Variants in ADGRB3 observed in about 807,000 individuals in gnomAD.
The protein encoded by ADGRB3 is adhesion G protein-coupled receptor B3.
ADGRB3 carries 37 observed loss-of-function variants against 193.4 expected under a neutral mutation model. The observed-to-expected ratio is 0.19, with a 90% CI of 0.15 to 0.25. The LOEUF (loss-of-function observed/expected upper bound fraction) is 0.25. Ranked by LOEUF, ADGRB3 falls within the 10% of genes least tolerant of loss-of-function variation. ADGRB3 has a pLI of 1.00. For missense variants in ADGRB3, 1,637 were observed against 1,852.9 expected (o/e 0.88, Z 2.14); for synonymous variants, 690 against 644.2 (o/e 1.07, Z -1.08).
chr6:69,362,959 T>C (rs1375350956), intron 29 of ADGRB3, among the ~76,000 whole-genome samples: 2 of 152,164 alleles, frequency 1.3e-5, no homozygotes, highest in African/African-American at 4.8e-5. Flanking sequence ...AATGACTATA[T>C]GGAAGTTTTC....
At chr6:68,788,049 T>G (rs55792962) in intron 3 of ADGRB3, among the ~76,000 whole-genome samples, 3,993 of 152,278 alleles carry the variant, frequency 0.026, 77 homozygotes, top group African/African-American at 0.051. Context: ...CTCTCTTTTC[T>G]TCTTTATTAG....
At chr6:68,833,125 G>A (rs1185566541) in intron 3 of ADGRB3, among the ~76,000 whole-genome samples, 2 of 151,960 alleles carry the variant, frequency 1.3e-5, no homozygotes, top group Non-Finnish European at 2.9e-5. Context: ...ATTCTTTATA[G>A]GAAAGATCAT....
At chr6:68,809,973 C>T (rs1419526175) in intron 3 of ADGRB3, among the ~76,000 whole-genome samples, 1 of 152,126 alleles carries the variant, frequency 6.6e-6, no homozygotes, top group Non-Finnish European at 1.5e-5. Context: ...GTGCTCTAAG[C>T]TTTGGAGTAA....
At chr6:68,679,758 A>G (rs1764845948) in intron 3 of ADGRB3, among the ~76,000 whole-genome samples, 1 of 152,156 alleles carries the variant, frequency 6.6e-6, no homozygotes, top group Non-Finnish European at 1.5e-5. Flanking sequence ...ACCAAAATAC[A>G]CTTTAGTGAT....
chr6:69,312,280 A>C (rs769721445), intron 20 of ADGRB3, among the ~76,000 whole-genome samples: 2 of 151,800 alleles, frequency 1.3e-5, no homozygotes, highest in Non-Finnish European at 2.9e-5. Context: ...ATGATGTCCA[A>C]GTTCCTGGTG....
At chr6:69,331,636 A>G in intron 23 of ADGRB3, 3 of 985,404 alleles carry the variant, frequency 3.0e-6, no homozygotes, top group Non-Finnish European at 3.6e-6. Flanking sequence ...AGGGAAATCA[A>G]AACTATTAGA....
intron 3 of ADGRB3, among the ~76,000 whole-genome samples, chr6:68,897,363 A>C (rs1287630053): frequency 2.0e-5 from 3 of 147,952 alleles, no homozygotes; most frequent in African/African-American, 7.4e-5. Context: ...TCGTCTTAAA[A>C]GAAAAAGAAG....
intron 3 of ADGRB3, among the ~76,000 whole-genome samples, chr6:68,808,609 C>T (rs1233974306): frequency 6.6e-6 from 1 of 152,030 alleles, no homozygotes; most frequent in Non-Finnish European, 1.5e-5. Flanking sequence ...AATCATTACA[C>T]ATTTCATACT....
chr6:68,879,805 T>C (rs1429216761), intron 3 of ADGRB3, among the ~76,000 whole-genome samples: 1 of 152,196 alleles, frequency 6.6e-6, no homozygotes, highest in East Asian at 1.9e-4. Flanking sequence ...GCAGAGTTAC[T>C]ATAAGCCTCA....
At chr6:69,351,220 G>C (rs191048982) in intron 26 of ADGRB3, among the ~76,000 whole-genome samples, 1 of 151,524 alleles carries the variant, frequency 6.6e-6, no homozygotes, top group Non-Finnish European at 1.5e-5. Flanking sequence ...CAGCCCCCAG[G>C]TAGCTGGGAT....
At chr6:69,112,183 G>A (rs925643824) in intron 17 of ADGRB3, among the ~76,000 whole-genome samples, 1 of 152,106 alleles carries the variant, frequency 6.6e-6, no homozygotes, top group Non-Finnish European at 1.5e-5. Flanking sequence ...ACGTGAGCAC[G>A]CCCCACCCAA....
intron 3 of ADGRB3, among the ~76,000 whole-genome samples, chr6:68,667,569 A>G (rs1056736639): frequency 2.6e-5 from 4 of 152,040 alleles, no homozygotes; most frequent in Admixed American, 6.6e-5. Context: ...AGTATAATAA[A>G]TAGTTCATTC....
intron 13 of ADGRB3, among the ~76,000 whole-genome samples, chr6:69,025,976 C>G (rs1025564325): frequency 2.6e-5 from 4 of 152,074 alleles, no homozygotes; most frequent in Non-Finnish European, 5.9e-5. Flanking sequence ...ACAACTGAAC[C>G]CCAGGTTGAG....
At chr6:68,773,868 G>A (rs1766686782) in intron 3 of ADGRB3, among the ~76,000 whole-genome samples, 2 of 152,080 alleles carry the variant, frequency 1.3e-5, no homozygotes, top group African/African-American at 4.8e-5. Context: ...TCCTTGAGAA[G>A]CTTAAGGAGA....
intron 17 of ADGRB3, among the ~76,000 whole-genome samples, chr6:69,190,505 T>TA (rs2053123809): frequency 1.3e-5 from 2 of 152,076 alleles, no homozygotes. Flanking sequence ...GTCAAAAAGT[T>TA]AAAAAATATT....
chr6:68,762,066 A>C (rs58108540), intron 3 of ADGRB3, among the ~76,000 whole-genome samples: 4,011 of 152,278 alleles, frequency 0.026, 81 homozygotes, highest in African/African-American at 0.051. Flanking sequence ...AGAGATTTAC[A>C]ATGTCCCTGA....
chr6:69,373,796 T>C (rs565456427), intron 30 of ADGRB3, among the ~76,000 whole-genome samples: 98 of 152,094 alleles, frequency 6.4e-4, no homozygotes, highest in African/African-American at 2.3e-3. Context: ...GAGGAAGGAA[T>C]TAACCCACTA....
At chr6:69,243,691 T>C (rs537062227) in intron 20 of ADGRB3, among the ~76,000 whole-genome samples, 12 of 152,160 alleles carry the variant, frequency 7.9e-5, no homozygotes, top group African/African-American at 2.6e-4. Flanking sequence ...TAATCTTTTA[T>C]ATTTAGTTTG....
chr6:68,759,072 G>A (rs2095508099), intron 3 of ADGRB3, among the ~76,000 whole-genome samples: 1 of 152,074 alleles, frequency 6.6e-6, no homozygotes, highest in African/African-American at 2.4e-5. Context: ...CTCATCGGAA[G>A]AGGCTACCCA....
Sources: gnomAD v4.1 joint callset for allele counts (sites outside exome capture counted in the v4.1 genomes callset) on GRCh38, gnomAD v4.1.1 for gene constraint, MANE v1.5 for transcripts, NCBI Gene and HGNC (gene_info 2026-07-23, HGNC 2026-07-21) for gene names.